MYLK2: variants seen among roughly 807,000 people sequenced by gnomAD.
MYLK2 encodes the protein myosin light chain kinase 2.
MYLK2 carries 27 observed loss-of-function variants against 58.2 expected under a neutral mutation model. The ratio of observed to expected loss-of-function variants is 0.46; its 90% CI spans 0.34 to 0.64. The LOEUF is 0.64. MYLK2 is among the 30% of genes least tolerant of loss of function. The probability of loss-of-function intolerance (pLI) is 0.01; values close to 1 mark genes in which losing one functional copy is unlikely to be tolerated. For missense variants in MYLK2, 676 were observed against 764.3 expected (o/e 0.88, Z 1.36); for synonymous variants, 310 against 296.7 (o/e 1.04, Z -0.46).
At chr20:31,828,836 G>A (rs1253450254) in intron 8 of MYLK2, among the ~76,000 whole-genome samples, 3 of 152,214 alleles carry the variant, frequency 2.0e-5, no homozygotes. Flanking sequence ...GAGGAGGTGG[G>A]TTTCAGTGGG....
At chr20:31,832,826 G>A (rs1425829473) in intron 12 of MYLK2, among the ~76,000 whole-genome samples, 1 of 152,156 alleles carries the variant, frequency 6.6e-6, no homozygotes, top group African/African-American at 2.4e-5. Context: ...GTGGAAATAG[G>A]CAGGGTTAAA....
Position 31,826,866 on chromosome 20 carries a change from G to A in MYLK2, c.1152G>A (p.Met384Ile), listed in dbSNP as rs1319892872. The A allele has an allele frequency of 1.2e-6, 2 of 1,614,020 alleles. No homozygotes were observed. Among genetic ancestry groups the A allele is most frequent in the Admixed American group, 3.3e-5 (2 of 60,006 alleles). The change falls in exon 8 of 13, where the codon ATG (methionine) becomes ATA (isoleucine). Residue 384 changes from methionine to isoleucine, a missense_variant. Coordinates refer to ENST00000375985, the MANE Select transcript of MYLK2 (RefSeq NM_033118.4). The stretch of plus-strand genomic sequence containing the variant: ...ACCATCTGACCGAGGTGGACACCAT[G>A]GTGTTTGTCAGGCAGATCTGTGACG... ...EDYHLTEVDT[M>I]VFVRQICDGI...
At chr20:31,832,681 C>T (rs535578637) in intron 12 of MYLK2, among the ~76,000 whole-genome samples, 21 of 152,068 alleles carry the variant, frequency 1.4e-4, no homozygotes, top group South Asian at 4.2e-4. Flanking sequence ...TTAGTGGAGA[C>T]GGGGTTTCAC....
At chr20:31,828,756 C>T in intron 8 of MYLK2, 1 of 978,530 alleles carries the variant, frequency 1.0e-6, no homozygotes, top group Non-Finnish European at 1.2e-6. Flanking sequence ...AGGGTGCCAT[C>T]TTCCCAACAG....
At chr20:31,825,367 A>G (rs1208309938) in intron 6 of MYLK2, among the ~76,000 whole-genome samples, 2 of 152,306 alleles carry the variant, frequency 1.3e-5, no homozygotes, top group South Asian at 2.1e-4. Flanking sequence ...CTGCGGCTCA[A>G]TTAACTGGGG....
chr20:31,823,723 C>T, intron 5 of MYLK2, 141 bp downstream of exon 5: 1 of 942,596 alleles, frequency 1.1e-6, no homozygotes. Flanking sequence ...CTGTGTGGGA[C>T]ACACACTGTG....
chr20:31,831,150 C>T lies in MYLK2; in HGVS notation c.1424+9C>T, dbSNP rs1743741391. The T allele has an allele frequency of 6.2e-7, 1 of 1,613,868 alleles. No individual in the cohort carries two copies. Among genetic ancestry groups the T allele is most frequent in the Admixed American group, 1.7e-5 (1 of 59,990 alleles). ...GTGATCACCTACATGCTGTGAGCTC[C>T]CAGGCGGGTCGTGTTTATGGGGTTG... On this transcript the variant is annotated intron_variant, in intron 10 of 12. Coordinates refer to ENST00000375985, the MANE Select transcript of MYLK2 (RefSeq NM_033118.4).
chr20:31,824,434 C>T (rs997865578), intron 6 of MYLK2, 82 bp downstream of exon 6: 53 of 1,553,210 alleles, frequency 3.4e-5, no homozygotes, highest in South Asian at 2.8e-4. Flanking sequence ...CCTCCACCAG[C>T]GCTGCTGAAC....
In MYLK2 at chr20:31,833,756, A is replaced by C; in HGVS notation, c.1750A>C (p.Lys584Gln). 6.2e-7 allele frequency: 1 copy of C among 1,613,816 alleles called. No individual in the cohort carries two copies. The highest frequency in any genetic ancestry group is 8.5e-7 in the Non-Finnish European group (1 of 1,179,986). The stretch of plus-strand genomic sequence containing the variant: ...TGTCAGCGCTGCCAACCGCTTCAAG[A>C]AGATCAGCAGCTCGGGGGCACTGAT... The part of the protein sequence containing the change: ...IAVSAANRFK[K>Q]ISSSGALMAL... Residue 584 changes from lysine (K) to glutamine (Q), a missense_variant, in exon 13 of 13, where the codon AAG becomes CAG. This residue lies in a region of MYLK2 where 370 missense variants were observed against 467.8 expected (regional missense o/e 0.79). Coordinates refer to ENST00000375985, the MANE Select transcript of MYLK2 (RefSeq NM_033118.4).
At position 31,831,050 on chromosome 20, in the gene MYLK2, A is replaced by G. The variant is rs766917091; in HGVS notation, c.1333A>G (p.Thr445Ala). 1 of 1,614,062 alleles carries G rather than the reference A, an allele frequency of 6.2e-7. No homozygotes were observed. The highest frequency in any genetic ancestry group is 1.1e-5 in the South Asian group (1 of 91,072). ...CGAGAAGCTGAAGGTGAACTTTGGG[A>G]CCCCAGAGTTCCTGTCACCTGAGGT... is the stretch of plus-strand genomic sequence containing the variant. ...PNEKLKVNFG[T>A]PEFLSPEVVN... Residue 445 changes from threonine to alanine, a missense_variant, in exon 10 of 13, where the codon ACC (threonine) becomes GCC (alanine). Physicochemically the swap from Thr to Ala is moderately conservative, Grantham distance 58. Around this residue, in one of 2 missense-constraint regions of MYLK2, gnomAD observed 370 missense variants for 467.8 expected, o/e 0.79. Coordinates refer to ENST00000375985, the MANE Select transcript of MYLK2 (RefSeq NM_033118.4).
Position 31,833,963 on chromosome 20 carries a change from C to T in MYLK2, c.*166C>T, listed in dbSNP as rs984355266. The T allele has an allele frequency of 1.6e-5, 10 of 641,526 alleles. No individual in the cohort carries two copies. Among genetic ancestry groups the T allele is most frequent in the East Asian group, 1.4e-4 (5 of 36,356 alleles). The allele number at this position is 641,526 out of a possible 1,614,324, so 39.7% of individuals were successfully genotyped here. On this transcript the variant is annotated 3_prime_UTR_variant, in exon 13 of 13. Transcript: ENST00000375985. Reference sequence around the variant, plus strand: ...GCTCCCCACGCCCCCATGCAGTGACCGCTTCCCCGATGTGAGCCGCCTCGG... The same window carrying T: ...GCTCCCCACGCCCCCATGCAGTGACTGCTTCCCCGATGTGAGCCGCCTCGG...
Position 31,833,780 on chromosome 20 carries a change from A to G in MYLK2, c.1774A>G (p.Met592Val), listed in dbSNP as rs781492844. 4 of 1,613,182 alleles carry G rather than the reference A, an allele frequency of 2.5e-6. No homozygotes were observed. Among genetic ancestry groups the G allele is most frequent in the African/African-American group, 2.7e-5 (2 of 74,892 alleles). ...FKKISSSGAL[M>V]ALGV ...GAAGATCAGCAGCTCGGGGGCACTG[A>G]TGGCTCTGGGGGTCTGAGCCCTGGG... Residue 592 changes from methionine to valine, a missense_variant, in exon 13 of 13, where the codon ATG becomes GTG. This residue lies in a region of MYLK2 where 370 missense variants were observed against 467.8 expected (regional missense o/e 0.79). Coordinates refer to ENST00000375985, the MANE Select transcript of MYLK2 (RefSeq NM_033118.4).
intron 2 of MYLK2, 129 bp downstream of exon 2, chr20:31,819,761 A>G: frequency 8.8e-7 from 1 of 1,138,836 alleles, no homozygotes; most frequent in Non-Finnish European, 1.3e-6. Context: ...GGGACCCAGA[A>G]ATCAGAGGAA....
intron 6 of MYLK2, among the ~76,000 whole-genome samples, chr20:31,825,546 A>G (rs570063614): frequency 1.3e-4 from 20 of 152,366 alleles, no homozygotes; most frequent in African/African-American, 4.6e-4. Flanking sequence ...AGAAAAGAGA[A>G]GAAAAGAAGG....
Position 31,823,499 on chromosome 20 carries a change from C to T in MYLK2, c.795C>T (p.Ala265=), listed in dbSNP as rs762507347. ...CAGATGATTGCCCGCCACCTCCGGC[C>T]CCCTTCCCTCACCGCATGGTGGAGC... ...QILDDCPPPP[A]PFPHRMVELR... is the part of the protein sequence containing the mutation. Residue 265 remains alanine, a synonymous_variant, in exon 5 of 13, where the codon GCC becomes GCT. Transcript: ENST00000375985. 6.2e-7 allele frequency: 1 copy of T among 1,613,508 alleles called. No individual in the cohort carries two copies. The highest frequency in any genetic ancestry group is 8.5e-7 in the Non-Finnish European group (1 of 1,180,020).
intron 2 of MYLK2, among the ~76,000 whole-genome samples, chr20:31,819,878 A>G (rs936337249): frequency 1.3e-5 from 2 of 152,164 alleles, no homozygotes; most frequent in African/African-American, 4.8e-5. Flanking sequence ...GCACCTAAAC[A>G]GTCAGGGCAA....
chr20:31,825,607 G>T (rs2062274859), intron 6 of MYLK2, among the ~76,000 whole-genome samples: 1 of 152,180 alleles, frequency 6.6e-6, no homozygotes, highest in African/African-American at 2.4e-5. Flanking sequence ...AGCCAGGTAA[G>T]GTAGAGGGGG....
Position 31,826,647 on chromosome 20 carries a change from C to G in MYLK2, c.1015C>G (p.His339Asp). Reference sequence around the variant, plus strand: ...GATTGAGGTCATGAACCAGCTGAACCACCGCAATCTGATCCAGCTGTATGC... The same window carrying G: ...GATTGAGGTCATGAACCAGCTGAACGACCGCAATCTGATCCAGCTGTATGC... ...LEIEVMNQLN[H>D]RNLIQLYAAI... is the part of the protein sequence containing the mutation. The change falls in exon 7 of 13, where the codon CAC becomes GAC. Residue 339 changes from histidine (H) to aspartate (D), a missense_variant. Physicochemically the swap from His to Asp is moderately conservative, Grantham distance 81. This residue lies in a region of MYLK2 where 370 missense variants were observed against 467.8 expected (regional missense o/e 0.79). Transcript: ENST00000375985. 4 of 1,614,060 alleles carry G rather than the reference C, an allele frequency of 2.5e-6. No homozygotes were observed. The highest frequency in any genetic ancestry group is 3.4e-6 in the Non-Finnish European group (4 of 1,180,010).
chr20:31,824,842 G>A (rs535114390), intron 6 of MYLK2, among the ~76,000 whole-genome samples: 1 of 152,326 alleles, frequency 6.6e-6, no homozygotes, highest in East Asian at 1.9e-4. Context: ...GTAGAGTGAG[G>A]GAGTCTGCTG....
Sources: gnomAD v4.1 joint callset for allele counts (sites outside exome capture counted in the v4.1 genomes callset) on GRCh38, gnomAD v4.1.1 for gene constraint, gnomAD v4.1.1 regional missense constraint, MANE v1.5 for transcripts, NCBI Gene and HGNC (gene_info 2026-07-23, HGNC 2026-07-21) for gene names.